Variants in SGMS1 observed in about 807,000 individuals in gnomAD.
The protein encoded by SGMS1 is phosphatidylcholine:ceramide cholinephosphotransferase 1.
In SGMS1, 13 loss-of-function variants were observed where a neutral mutation model predicts 46.2. That is an observed-to-expected ratio of 0.28 (90% CI 0.18 to 0.45). The LOEUF is 0.45. Among genes scored for constraint, SGMS1 ranks in the 20% least tolerant of loss-of-function variants. The pLI, the probability that SGMS1 is intolerant of heterozygous loss-of-function variation, is 1.00. For missense variants in SGMS1, 324 were observed against 519.9 expected (o/e 0.62, Z 3.66); for synonymous variants, 203 against 187.8 (o/e 1.08, Z -0.66).
rs1349069678 is a variant in SGMS1, at chr10:50,384,660, G to A, written c.-231-40315C>T. On this transcript the variant is annotated intron_variant, in intron 6 of 10. Transcript: ENST00000361781. ...AGAAGAGTTCTCACTCTGTTGCCCAGCCTGGTCTCGAACTTCTGGGCTCAA... is the reference window on the plus strand; with the variant it reads ...AGAAGAGTTCTCACTCTGTTGCCCAACCTGGTCTCGAACTTCTGGGCTCAA... 1.3e-5 allele frequency among the ~76,000 whole-genome samples: 2 copies of A among 151,982 alleles called. 1 individual carries two copies. Among genetic ancestry groups the A allele is most frequent in the Non-Finnish European group, 2.9e-5 (2 of 67,992 alleles).
At chr10:50,388,362 G>T (rs1848712514) in intron 6 of SGMS1, among the ~76,000 whole-genome samples, 1 of 151,844 alleles carries the variant, frequency 6.6e-6, no homozygotes, top group Non-Finnish European at 1.5e-5. Context: ...GGCTGGGTAT[G>T]GTGGCTCATG....
chr10:50,387,295 C>T (rs1027730132), intron 6 of SGMS1, among the ~76,000 whole-genome samples: 1 of 152,150 alleles, frequency 6.6e-6, no homozygotes, highest in African/African-American at 2.4e-5. Context: ...AGAGACTTCC[C>T]CTGCTCACTC....
At chr10:50,308,917 G>A (rs556243499) in intron 9 of SGMS1, among the ~76,000 whole-genome samples, 27 of 152,216 alleles carry the variant, frequency 1.8e-4, no homozygotes, top group Non-Finnish European at 3.4e-4. Context: ...ATTCTCAATG[G>A]GTCCAAGAAC....
chr10:50,486,541 C>T (rs1357733737), intron 3 of SGMS1, among the ~76,000 whole-genome samples: 2 of 152,130 alleles, frequency 1.3e-5, no homozygotes, highest in Non-Finnish European at 2.9e-5. Flanking sequence ...GATATTTATG[C>T]AGCCAACAAA....
chr10:50,312,274 A>T (rs1403125994), intron 8 of SGMS1, among the ~76,000 whole-genome samples: 1 of 151,690 alleles, frequency 6.6e-6, no homozygotes, highest in Non-Finnish European at 1.5e-5. Context: ...ATTTCCTTTT[A>T]AAAAATTATC....
intron 3 of SGMS1, among the ~76,000 whole-genome samples, chr10:50,495,894 A>G (rs987000948): frequency 6.6e-6 from 1 of 152,236 alleles, no homozygotes; most frequent in Non-Finnish European, 1.5e-5. Context: ...GCAAGGGAGA[A>G]CTGAGATGAA....
At chr10:50,440,112 C>G (rs1019156592) in intron 5 of SGMS1, among the ~76,000 whole-genome samples, 1 of 152,058 alleles carries the variant, frequency 6.6e-6, no homozygotes, top group Non-Finnish European at 1.5e-5. Context: ...CTCTTTTCTT[C>G]TAGAAACTTC....
intron 8 of SGMS1, among the ~76,000 whole-genome samples, chr10:50,318,576 G>A (rs1244983572): frequency 6.6e-6 from 1 of 151,984 alleles, no homozygotes; most frequent in Non-Finnish European, 1.5e-5. Context: ...GATCCCTGCC[G>A]GACGCTCACT....
chr10:50,410,893 TCTCAGAATA>T (rs1849087045), intron 6 of SGMS1, among the ~76,000 whole-genome samples: 1 of 152,240 alleles, frequency 6.6e-6, no homozygotes, highest in Non-Finnish European at 1.5e-5. Context: ...ACAATTTCCC[TCTCAGAATA>T]ACATGTTAGT....
At chr10:50,518,427 T>C (rs1837828366) in intron 3 of SGMS1, among the ~76,000 whole-genome samples, 1 of 152,112 alleles carries the variant, frequency 6.6e-6, no homozygotes, top group African/African-American at 2.4e-5. Flanking sequence ...TTTTAGTTTG[T>C]TTGTTTGTTT....
Position 50,410,666 on chromosome 10 carries a change from C to T in SGMS1, c.-232+22810G>A, listed in dbSNP as rs374730475. Among the ~76,000 whole-genome samples the T allele has an allele frequency of 1.4e-4, 21 of 152,296 alleles. 1 individual carries two copies. Among genetic ancestry groups the T allele is most frequent in the African/African-American group, 4.8e-4 (20 of 41,560 alleles). ...AGGTTAAGGAGGACTCAGCGGTATTCACCGATGAGGGCAAGACCAATCTCT... is the reference window on the plus strand; with the variant it reads ...AGGTTAAGGAGGACTCAGCGGTATTTACCGATGAGGGCAAGACCAATCTCT... On this transcript the variant is annotated intron_variant, in intron 6 of 10. Transcript: ENST00000361781.
At chr10:50,611,511 C>T (rs913459726) in intron 1 of SGMS1, among the ~76,000 whole-genome samples, 2 of 152,190 alleles carry the variant, frequency 1.3e-5, no homozygotes, top group South Asian at 4.1e-4. Flanking sequence ...CCTGGGTGTC[C>T]TGACATCTTA....
chr10:50,481,730 A>T (rs962683646), intron 3 of SGMS1, among the ~76,000 whole-genome samples: 4 of 152,206 alleles, frequency 2.6e-5, no homozygotes, highest in Admixed American at 2.0e-4. Context: ...AACTTCACTG[A>T]GCTAAAAGAG....
At chr10:50,616,661 T>C (rs1838800793) in intron 1 of SGMS1, among the ~76,000 whole-genome samples, 1 of 152,096 alleles carries the variant, frequency 6.6e-6, no homozygotes. Context: ...GGCTGATAAA[T>C]GAAGGAAGAT....
intron 6 of SGMS1, among the ~76,000 whole-genome samples, chr10:50,427,598 C>T (rs1849346382): frequency 2.0e-5 from 3 of 152,124 alleles, no homozygotes; most frequent in South Asian, 4.1e-4. Flanking sequence ...CCAAAAGCAA[C>T]GACACTTAAC....
intron 2 of SGMS1, among the ~76,000 whole-genome samples, chr10:50,587,986 C>T (rs1236161556): frequency 6.6e-6 from 1 of 152,134 alleles, no homozygotes; most frequent in Admixed American, 6.5e-5. Flanking sequence ...CACCATATCT[C>T]AGTGGTCTAG....
At chr10:50,449,487 T>G (rs1261653454) in intron 5 of SGMS1, among the ~76,000 whole-genome samples, 6 of 152,116 alleles carry the variant, frequency 3.9e-5, no homozygotes. Flanking sequence ...ATAAAAAAAG[T>G]ATCAAGGGCT....
chr10:50,437,503 C>T (rs1165574930), intron 5 of SGMS1, among the ~76,000 whole-genome samples: 1 of 152,152 alleles, frequency 6.6e-6, no homozygotes. Context: ...TGTTCTTAAC[C>T]ACTATACTAC....
chr10:50,390,680 T>C (rs1334156568), intron 6 of SGMS1, among the ~76,000 whole-genome samples: 2 of 152,212 alleles, frequency 1.3e-5, no homozygotes, highest in African/African-American at 2.4e-5. Context: ...AATGTTCATG[T>C]CTAGATACTT....
Sources: gnomAD v4.1 joint callset for allele counts (sites outside exome capture counted in the v4.1 genomes callset) on GRCh38, gnomAD v4.1.1 for gene constraint, MANE v1.5 for transcripts, NCBI Gene and HGNC (gene_info 2026-07-23, HGNC 2026-07-21) for gene names.